Variants in HTR7 observed in about 807,000 individuals in gnomAD.
HTR7 encodes the protein 5-hydroxytryptamine receptor 7.
A neutral mutation model predicts 34.0 loss-of-function variants in HTR7; 16 were observed. That is an observed-to-expected ratio of 0.47 (90% CI 0.32 to 0.71). The LOEUF (loss-of-function observed/expected upper bound fraction) is 0.71, where lower values mean the gene tolerates loss of function less well. HTR7 is among the 30% of genes least tolerant of loss of function. The pLI is 0.04. For synonymous variants in HTR7, 265 were observed against 260.2 expected, an observed-to-expected ratio of 1.02 and a Z score of -0.18; for missense variants, 504 against 625.5, an observed-to-expected ratio of 0.81 and a Z score of 2.07.
At chr10:90,806,304 G>A (rs778359480) in intron 1 of HTR7, among the ~76,000 whole-genome samples, 49 of 152,172 alleles carry the variant, frequency 3.2e-4, no homozygotes, top group Non-Finnish European at 6.3e-4. Flanking sequence ...GCTGTATTAA[G>A]TTCCTAAAGG....
At chr10:90,752,906 C>T (rs1174260019) in intron 1 of HTR7, among the ~76,000 whole-genome samples, 1 of 152,038 alleles carries the variant, frequency 6.6e-6, no homozygotes, top group Non-Finnish European at 1.5e-5. Context: ...GCAAGTATTT[C>T]CACAATTCTG....
intron 1 of HTR7, among the ~76,000 whole-genome samples, chr10:90,842,789 C>T (rs910744916): frequency 5.3e-5 from 8 of 151,880 alleles, no homozygotes; most frequent in African/African-American, 1.9e-4. Flanking sequence ...TAGCACAGCA[C>T]TGATGATACT....
At chr10:90,842,243 A>G (rs141149171) in intron 1 of HTR7, among the ~76,000 whole-genome samples, 2 of 152,256 alleles carry the variant, frequency 1.3e-5, no homozygotes, top group East Asian at 1.9e-4. Flanking sequence ...TTTTTGCCAC[A>G]TGACGATGCA....
At chr10:90,771,060 C>CAGCA (rs1340251138) in intron 1 of HTR7, among the ~76,000 whole-genome samples, 1 of 152,198 alleles carries the variant, frequency 6.6e-6, no homozygotes, top group African/African-American at 2.4e-5. Context: ...GCTACCCTCT[C>CAGCA]TGCTGAGAAC....
intron 1 of HTR7, among the ~76,000 whole-genome samples, chr10:90,856,044 C>A (rs1418473412): frequency 6.6e-6 from 1 of 152,060 alleles, no homozygotes; most frequent in Non-Finnish European, 1.5e-5. Flanking sequence ...CTAGACCATC[C>A]TTTGAGGCAC....
intron 1 of HTR7, among the ~76,000 whole-genome samples, chr10:90,766,273 C>A (rs1465983496): frequency 1.3e-5 from 2 of 152,070 alleles, no homozygotes; most frequent in Admixed American, 1.3e-4. Flanking sequence ...TGCATAATGA[C>A]CTTCTTTGTC....
intron 1 of HTR7, among the ~76,000 whole-genome samples, chr10:90,801,147 T>C (rs1236457916): frequency 6.6e-6 from 1 of 152,238 alleles, no homozygotes; most frequent in African/African-American, 2.4e-5. Flanking sequence ...GAGAGCAGTC[T>C]TCAGCGTGGG....
intron 1 of HTR7, among the ~76,000 whole-genome samples, chr10:90,757,567 C>G (rs537423942): frequency 2.4e-4 from 37 of 152,254 alleles, no homozygotes; most frequent in African/African-American, 8.9e-4. Flanking sequence ...TCCCCGCAAC[C>G]CTACACTTCC....
chr10:90,806,585 C>T (rs562592696), intron 1 of HTR7, among the ~76,000 whole-genome samples: 6 of 150,166 alleles, frequency 4.0e-5, no homozygotes, highest in Non-Finnish European at 7.4e-5. Context: ...GGCGACAGAG[C>T]GAGACTCCAT....
At chr10:90,844,723 T>C (rs1846385216) in intron 1 of HTR7, among the ~76,000 whole-genome samples, 2 of 36,710 alleles carry the variant, frequency 5.4e-5, no homozygotes. Flanking sequence ...TGAGACTCCG[T>C]CTCAAAAAAA....
At chr10:90,819,208 T>C (rs1845941280) in intron 1 of HTR7, among the ~76,000 whole-genome samples, 2 of 152,234 alleles carry the variant, frequency 1.3e-5, no homozygotes. Context: ...ATTGTGTTGA[T>C]AGATACAAAA....
At chr10:90,821,550 G>A (rs1341042068) in intron 1 of HTR7, among the ~76,000 whole-genome samples, 1 of 152,192 alleles carries the variant, frequency 6.6e-6, no homozygotes, top group Non-Finnish European at 1.5e-5. Flanking sequence ...AATTAGAAAG[G>A]CAGTCTAGGT....
chr10:90,838,025 A>G lies in HTR7; in HGVS notation c.539+19108T>C, dbSNP rs569124506. 2.0e-5 allele frequency among the ~76,000 whole-genome samples: 3 copies of G among 151,978 alleles called. No individual in the cohort carries two copies. The South Asian group carries it at 6.3e-4, about 32-fold the overall frequency. On this transcript the variant is annotated intron_variant, in intron 1 of 3. Coordinates refer to ENST00000336152, the MANE Select transcript of HTR7 (RefSeq NM_019859.4). ...TGGGTCCTTCTCTTAACCTCCAAAC[A>G]TTTTATCCCTCAAAGCTTGGTGTTT...
At chr10:90,795,919 C>T (rs1046914236) in intron 1 of HTR7, among the ~76,000 whole-genome samples, 1 of 152,046 alleles carries the variant, frequency 6.6e-6, no homozygotes, top group African/African-American at 2.4e-5. Flanking sequence ...GGGTTATTAT[C>T]AATAGAAAGG....
At chr10:90,824,612 G>C (rs1846040840) in intron 1 of HTR7, among the ~76,000 whole-genome samples, 1 of 152,194 alleles carries the variant, frequency 6.6e-6, no homozygotes, top group African/African-American at 2.4e-5. Context: ...TGGATTTCTG[G>C]ACCTGTCCTG....
At chr10:90,785,925 C>T (rs1257865567) in intron 1 of HTR7, among the ~76,000 whole-genome samples, 1 of 152,160 alleles carries the variant, frequency 6.6e-6, no homozygotes, top group Non-Finnish European at 1.5e-5. Context: ...GCTGAGCAAC[C>T]CGACCTGGGA....
At chr10:90,798,542 C>T (rs1845575573) in intron 1 of HTR7, among the ~76,000 whole-genome samples, 1 of 152,026 alleles carries the variant, frequency 6.6e-6, no homozygotes. Flanking sequence ...TACTGAAACC[C>T]CCATCTCTAC....
intron 1 of HTR7, among the ~76,000 whole-genome samples, chr10:90,778,436 T>TG (rs1845253779): frequency 6.6e-6 from 1 of 152,140 alleles, no homozygotes; most frequent in African/African-American, 2.4e-5. Flanking sequence ...CTGCACCACC[T>TG]GGGGACTCTG....
intron 1 of HTR7, among the ~76,000 whole-genome samples, chr10:90,785,829 T>C (rs1021941183): frequency 6.6e-6 from 1 of 152,212 alleles, no homozygotes; most frequent in African/African-American, 2.4e-5. Flanking sequence ...ATGACAAGAA[T>C]TGGGCCAAGA....
Sources: gnomAD v4.1 joint callset for allele counts (sites outside exome capture counted in the v4.1 genomes callset) on GRCh38, gnomAD v4.1.1 for gene constraint, MANE v1.5 for transcripts, NCBI Gene and HGNC (gene_info 2026-07-23, HGNC 2026-07-21) for gene names.